Variants in FAT3 observed in about 807,000 individuals in gnomAD.
The protein encoded by FAT3 is FAT atypical cadherin 3.
In FAT3, 95 loss-of-function variants were observed where a neutral mutation model predicts 310.2. The observed-to-expected ratio is 0.31, with a 90% CI of 0.26 to 0.36. The LOEUF (loss-of-function observed/expected upper bound fraction) is 0.36. FAT3 is among the 10% of genes least tolerant of loss of function. The pLI, the probability that FAT3 is intolerant of heterozygous loss-of-function variation, is 1.00. For synonymous variants in FAT3, 2,314 were observed against 2,192.9 expected, an observed-to-expected ratio of 1.06 and a Z score of -1.54; for missense variants, 5,408 against 5,715.6, an observed-to-expected ratio of 0.95 and a Z score of 1.74.
At chr11:92,847,028 G>A (rs3847544) in intron 19 of FAT3, among the ~76,000 whole-genome samples, 51,501 of 152,096 alleles carry the variant, frequency 0.34, 9,347 homozygotes, top group South Asian at 0.5. Flanking sequence ...GTAGCATACT[G>A]ATTCAAGAAA....
chr11:92,427,031 T>A (rs1295972724), intron 2 of FAT3, among the ~76,000 whole-genome samples: 1 of 152,212 alleles, frequency 6.6e-6, no homozygotes, highest in Non-Finnish European at 1.5e-5. Context: ...TTCCATTTGT[T>A]TGTGTCCTCT....
intron 3 of FAT3, among the ~76,000 whole-genome samples, chr11:92,601,808 A>C (rs1255449414): frequency 6.6e-6 from 1 of 152,176 alleles, no homozygotes; most frequent in African/African-American, 2.4e-5. Context: ...TGAAATAAAC[A>C]TCATTCGTTC....
intron 3 of FAT3, among the ~76,000 whole-genome samples, chr11:92,685,697 C>A (rs1195062571): frequency 6.6e-6 from 1 of 151,742 alleles, no homozygotes; most frequent in Non-Finnish European, 1.5e-5. Context: ...ACAAAAGATA[C>A]AATGAGTAGC....
At chr11:92,774,636 A>G (rs1946550765) in intron 7 of FAT3, among the ~76,000 whole-genome samples, 1 of 152,216 alleles carries the variant, frequency 6.6e-6, no homozygotes, top group East Asian at 1.9e-4. Context: ...CCAAGGTCAC[A>G]CAGCCTTAGT....
At chr11:92,665,246 A>C (rs1371221836) in intron 3 of FAT3, among the ~76,000 whole-genome samples, 1 of 152,162 alleles carries the variant, frequency 6.6e-6, no homozygotes, top group Non-Finnish European at 1.5e-5. Context: ...GAGTTATCTG[A>C]CCTCAGTTCG....
chr11:92,436,909 A>C (rs917075332), intron 2 of FAT3, among the ~76,000 whole-genome samples: 1 of 152,196 alleles, frequency 6.6e-6, no homozygotes. Context: ...TACACTTGCC[A>C]TGGAAGCCTC....
intron 4 of FAT3, among the ~76,000 whole-genome samples, chr11:92,705,243 C>T (rs1311491303): frequency 6.6e-6 from 1 of 151,980 alleles, no homozygotes; most frequent in African/African-American, 2.4e-5. Flanking sequence ...TTTTAGTAGG[C>T]TAGTTAGGGA....
Position 92,355,030 on chromosome 11 carries a change from A to G in FAT3, c.2918A>G (p.Tyr973Cys), listed in dbSNP as rs1767247461. 2 of 1,613,820 alleles carry G rather than the reference A, an allele frequency of 1.2e-6. No homozygotes were observed. Among genetic ancestry groups the G allele is most frequent in the Non-Finnish European group, 1.7e-6 (2 of 1,179,862 alleles). The change falls in exon 2 of 28, where the codon TAT (tyrosine) becomes TGT (cysteine). Residue 973 changes from tyrosine (Y) to cysteine (C), a missense_variant. Tyr to Cys is a radical substitution (Grantham distance 194). Around this residue, in one of 5 missense-constraint regions of FAT3, gnomAD observed 4,588 missense variants for 4,809.8 expected, o/e 0.95. Transcript: ENST00000525166. Reference protein sequence around the residue: ...PDLGLGGQVRYSLVNDYNGRF... With the variant: ...PDLGLGGQVRCSLVNDYNGRF... ...CTTGGACTGGGGGGTCAAGTGCGCT[A>G]TTCTTTGGTCAATGACTATAATGGG...
At chr11:92,525,608 A>G (rs561965812) in intron 3 of FAT3, among the ~76,000 whole-genome samples, 2 of 152,252 alleles carry the variant, frequency 1.3e-5, no homozygotes, top group East Asian at 3.9e-4. Context: ...ACGTTGGAAA[A>G]GTTTTTTGCA....
At chr11:92,529,154 G>A (rs935086849) in intron 3 of FAT3, among the ~76,000 whole-genome samples, 1 of 152,172 alleles carries the variant, frequency 6.6e-6, no homozygotes, top group Non-Finnish European at 1.5e-5. Flanking sequence ...AGGAAAAACA[G>A]AACCATCATA....
intron 2 of FAT3, among the ~76,000 whole-genome samples, chr11:92,387,902 G>A (rs1949663744): frequency 6.6e-6 from 1 of 152,108 alleles, no homozygotes; most frequent in Non-Finnish European, 1.5e-5. Context: ...GTAGCTTCAG[G>A]AGCTAAGTTC....
At chr11:92,423,665 A>G (rs1035482799) in intron 2 of FAT3, among the ~76,000 whole-genome samples, 4 of 152,114 alleles carry the variant, frequency 2.6e-5, no homozygotes, top group Non-Finnish European at 5.9e-5. Flanking sequence ...CTATATCTGA[A>G]TCTATGTCTG....
intron 13 of FAT3, among the ~76,000 whole-genome samples, chr11:92,819,951 C>G (rs915137347): frequency 3.9e-5 from 6 of 152,084 alleles, no homozygotes; most frequent in African/African-American, 1.4e-4. Context: ...TAAGATAACC[C>G]CAGTGATTCC....
At chr11:92,670,847 T>G (rs1943105339) in intron 3 of FAT3, among the ~76,000 whole-genome samples, 1 of 152,176 alleles carries the variant, frequency 6.6e-6, no homozygotes, top group South Asian at 2.1e-4. Flanking sequence ...ATTCACAGGC[T>G]AGGGGAAGGC....
intron 13 of FAT3, among the ~76,000 whole-genome samples, chr11:92,828,752 G>T (rs1311704560): frequency 6.6e-6 from 1 of 152,136 alleles, no homozygotes; most frequent in African/African-American, 2.4e-5. Context: ...TCCTGTAAAC[G>T]CAGCACTCCA....
At chr11:92,546,013 G>T (rs1954605295) in intron 3 of FAT3, among the ~76,000 whole-genome samples, 2 of 152,120 alleles carry the variant, frequency 1.3e-5, no homozygotes, top group South Asian at 2.1e-4. Flanking sequence ...CTCTCTCCAC[G>T]TGCTTGTTAG....
chr11:92,869,488 G>T (rs547607662), intron 22 of FAT3, among the ~76,000 whole-genome samples: 1 of 152,178 alleles, frequency 6.6e-6, no homozygotes, highest in African/African-American at 2.4e-5. Context: ...GTGTGAGGGG[G>T]TATCTACCTC....
chr11:92,530,451 A>G (rs896384665), intron 3 of FAT3, among the ~76,000 whole-genome samples: 6 of 152,098 alleles, frequency 3.9e-5, no homozygotes, highest in Non-Finnish European at 1.5e-5. Context: ...TTTGAGAGTT[A>G]ATTCAGTCAC....
At chr11:92,254,958 G>T (rs1865258901) in intron 1 of FAT3, among the ~76,000 whole-genome samples, 1 of 152,136 alleles carries the variant, frequency 6.6e-6, no homozygotes, top group South Asian at 2.1e-4. Flanking sequence ...TGCCTTACTC[G>T]GCCTCCCAAA....
Sources: allele counts gnomAD v4.1 joint callset (sites outside exome capture counted in the v4.1 genomes callset), GRCh38; gene constraint gnomAD v4.1.1; regional missense constraint gnomAD v4.1.1; transcripts MANE v1.5; gene names NCBI Gene and HGNC (gene_info 2026-07-23, HGNC 2026-07-21).